The following SPATA7 variants were observed in gnomAD, a reference collection of about 807,000 sequenced individuals.
The protein encoded by SPATA7 is spermatogenesis-associated protein 7.
In SPATA7, 43 loss-of-function variants were observed where a neutral mutation model predicts 51.8. That is an observed-to-expected ratio of 0.83 (90% CI 0.65 to 1.07). The LOEUF is 1.07. Among genes scored for constraint, SPATA7 ranks in the 50% least tolerant of loss-of-function variants. The pLI is 0.00. For missense variants in SPATA7, 683 were observed against 701.3 expected (o/e 0.97, Z 0.30); for synonymous variants, 230 against 252.8 (o/e 0.91, Z 0.86).
chr14:88,389,896 A>G (rs1296977170), intron 1 of SPATA7, among the ~76,000 whole-genome samples: 2 of 152,344 alleles, frequency 1.3e-5, no homozygotes, highest in African/African-American at 2.4e-5. Flanking sequence ...AACTACATAC[A>G]GCTGAGATAT....
intron 4 of SPATA7, among the ~76,000 whole-genome samples, chr14:88,408,204 G>A (rs1250954841): frequency 1.3e-5 from 2 of 152,128 alleles, no homozygotes; most frequent in Admixed American, 1.3e-4. Context: ...TTTGGACAGT[G>A]TGGCCATTTT....
At chr14:88,440,353 G>T (rs1595307112), downstream of SPATA7, among the ~76,000 whole-genome samples, 1 of 152,008 alleles carries the variant, frequency 6.6e-6, no homozygotes, top group Non-Finnish European at 1.5e-5. Context: ...ATCCTAATTT[G>T]GATACCTATT....
In SPATA7 at chr14:88,391,444, C is replaced by A; in HGVS notation, c.83C>A (p.Thr28Asn). ...PPCLFKGHLS[T>N]KSNAFCTDSS... is the part of the protein sequence containing the mutation. ...TGCCTATTTAAAGGACACTTGAGCA[C>A]CAAAAGTAATGGTAAGTGAGGTGCT... The change falls in exon 2 of 12, where the codon ACC becomes AAC. Residue 28 changes from threonine (T) to asparagine (N), a missense_variant. Physicochemically the swap from Thr to Asn is moderately conservative, Grantham distance 65 (BLOSUM62 0). Transcript: ENST00000393545. 1 of 1,613,468 alleles carries A rather than the reference C, an allele frequency of 6.2e-7. No homozygotes were observed. Among genetic ancestry groups the A allele is most frequent in the Non-Finnish European group, 8.5e-7 (1 of 1,179,726 alleles).
At chr14:88,432,652 G>T (rs149932364) in intron 9 of SPATA7, 1 of 152,332 alleles carries the variant, frequency 6.6e-6, no homozygotes, top group South Asian at 2.1e-4. Flanking sequence ...CAAGATGCTG[G>T]CCTAGGGCTA....
In SPATA7 at chr14:88,437,534, C is replaced by T. The variant is rs370330394; in HGVS notation, c.1161-9C>T. The T allele has an allele frequency of 1.2e-5, 20 of 1,601,408 alleles. No individual in the cohort carries two copies. In the African/African-American group the frequency reaches 2.5e-4, roughly 20 times the overall value. On this transcript the variant is annotated splice_polypyrimidine_tract_variant and intron_variant, in intron 10 of 11. Transcript: ENST00000393545. Reference sequence around the variant, plus strand: ...TTGAGACATTAACATTTTTGTTTATCATTTGTAGGTTTTTAGAACGACTGT... The same window carrying T: ...TTGAGACATTAACATTTTTGTTTATTATTTGTAGGTTTTTAGAACGACTGT...
intron 5 of SPATA7, among the ~76,000 whole-genome samples, chr14:88,422,896 C>T (rs1763007344): frequency 6.6e-6 from 1 of 152,038 alleles, no homozygotes; most frequent in African/African-American, 2.4e-5. Flanking sequence ...GGTTAACAGA[C>T]ACCTGTTATG....
intron 3 of SPATA7, among the ~76,000 whole-genome samples, chr14:88,445,960 A>G (rs556116676): frequency 2.3e-4 from 34 of 150,396 alleles, no homozygotes; most frequent in East Asian, 5.9e-4. Context: ...TTTTGGTTGT[A>G]TCTCTGTCCG....
intron 10 of SPATA7, 126 bp downstream of exon 10, chr14:88,433,338 C>T: frequency 1.5e-6 from 1 of 675,058 alleles, no homozygotes; most frequent in Non-Finnish European, 2.5e-6. Flanking sequence ...ATATTGCTTT[C>T]TTGGAAACTT....
At chr14:88,422,743 T>C (rs28589511) in intron 5 of SPATA7, among the ~76,000 whole-genome samples, 1,758 of 151,938 alleles carry the variant, frequency 0.012, 38 homozygotes, top group African/African-American at 0.04. Context: ...TCTGTATTTT[T>C]ATTGACTCCA....
In SPATA7 at chr14:88,385,713, C is replaced by G. The variant is rs984288203; in HGVS notation, c.-106C>G. On this transcript the variant is annotated 5_prime_UTR_variant, in exon 1 of 12. Transcript: ENST00000393545. ...ACGGTTTCCCTGCTGCTGCAGCCCC[C>G]GTCGGCTCCTCTTTTCCAGTCCTCC... is the stretch of plus-strand genomic sequence containing the variant. 1.0e-5 allele frequency: 11 copies of G among 1,103,490 alleles called. No individual in the cohort carries two copies. The highest frequency in any genetic ancestry group is 2.4e-4 in the Middle Eastern group (1 of 4,168). The allele number at this position is 1,103,490 out of a possible 1,614,324, so 68.4% of individuals were successfully genotyped here. A position where few individuals can be genotyped will look rare whatever the true frequency, so the allele number is the denominator to read the frequency against.
At chr14:88,457,783 G>T (rs1174430479), downstream of SPATA7, among the ~76,000 whole-genome samples, 1 of 152,196 alleles carries the variant, frequency 6.6e-6, no homozygotes, top group Non-Finnish European at 1.5e-5. Context: ...AGTGGTGAGA[G>T]AGGGCATCTT....
intron 4 of SPATA7, among the ~76,000 whole-genome samples, chr14:88,462,655 A>G (rs961376764): frequency 3.3e-5 from 5 of 152,242 alleles, no homozygotes; most frequent in African/African-American, 1.2e-4. Flanking sequence ...GTGTACTGCT[A>G]TATCCAGTGC....
intron 3 of SPATA7, among the ~76,000 whole-genome samples, chr14:88,454,582 C>T (rs781362258): frequency 6.6e-6 from 1 of 152,018 alleles, no homozygotes; most frequent in Non-Finnish European, 1.5e-5. Flanking sequence ...ATGGGAGGAT[C>T]GCTTGAGCTC....
chr14:88,421,177 C>T (rs1046608993), intron 5 of SPATA7, among the ~76,000 whole-genome samples: 1 of 152,056 alleles, frequency 6.6e-6, no homozygotes, highest in African/African-American at 2.4e-5. Flanking sequence ...TAGATTTCCC[C>T]ACTGTCTCCT....
At chr14:88,421,246 G>A (rs1027143643) in intron 5 of SPATA7, among the ~76,000 whole-genome samples, 8 of 152,288 alleles carry the variant, frequency 5.3e-5, no homozygotes, top group Admixed American at 2.0e-4. Context: ...CTCAGTGCCA[G>A]GGTTCAGGAT....
At chr14:88,396,343 C>T (rs1566751052) in intron 4 of SPATA7, 140 bp downstream of exon 4, 3 of 661,416 alleles carry the variant, frequency 4.5e-6, no homozygotes, top group Admixed American at 4.8e-5. Flanking sequence ...ATGATAACTA[C>T]TACCTCCAGA....
At chr14:88,409,813 G>T (rs746471566) in intron 4 of SPATA7, among the ~76,000 whole-genome samples, 9 of 152,156 alleles carry the variant, frequency 5.9e-5, no homozygotes, top group South Asian at 2.1e-4. Context: ...TGGTTTCAAA[G>T]AACTTATTTA....
intron 2 of SPATA7, among the ~76,000 whole-genome samples, chr14:88,393,035 T>C (rs1042050137): frequency 1.3e-5 from 2 of 152,076 alleles, no homozygotes; most frequent in Non-Finnish European, 2.9e-5. Flanking sequence ...TTCCGTTGAT[T>C]AAGTATTAAC....
chr14:88,470,068 TAA>T lies in SPATA7; in HGVS notation c.*207_*208del, dbSNP rs748514941. The T allele has an allele frequency of 3.1e-6, 5 of 1,608,826 alleles. No individual in the cohort carries two copies. In the African/African-American group the frequency reaches 6.7e-5, roughly 22 times the overall value. On this transcript the variant is annotated 3_prime_UTR_variant, in exon 5 of 5. Coordinates refer to the SPATA7 transcript ENST00000556406. ...ACAGAGACCTGGGATTAGAAAAGGT[TAA>T]AAAAATTGATGTGTGGGTATAATAT...
Sources: gnomAD v4.1 joint callset for allele counts (sites outside exome capture counted in the v4.1 genomes callset) on GRCh38, gnomAD v4.1.1 for gene constraint, MANE v1.5 for transcripts, NCBI Gene and HGNC (gene_info 2026-07-23, HGNC 2026-07-21) for gene names.